Variants in MTM1 observed in about 807,000 individuals in gnomAD.
The protein encoded by MTM1 is myotubularin.
Under a neutral mutation model 52.1 loss-of-function variants are expected in MTM1, and 9 were observed. The observed-to-expected ratio is 0.17, with a 90% CI of 0.10 to 0.30. The LOEUF is 0.30. MTM1 is among the 10% of genes least tolerant of loss of function. The pLI is 1.00. For missense variants in MTM1, 277 were observed against 470.7 expected, an observed-to-expected ratio of 0.59 and a Z score of 3.81; for synonymous variants, 136 against 163.8, an observed-to-expected ratio of 0.83 and a Z score of 1.29.
rs782575228 is a variant in MTM1 at position 150,625,472 on chromosome X, A to C, written c.444+6333A>C. Among the ~76,000 whole-genome samples, 198 of 112,063 alleles carry C rather than the reference A, an allele frequency of 1.8e-3. 4 individuals are homozygous for C. Among genetic ancestry groups the C allele is most frequent in the Non-Finnish European group, 4.5e-4 (24 of 53,244 alleles). ...ATGCTATATATAGATTAGTATTCTT[A>C]TTAACAAACCATTGGTTGTACCTTG... is the stretch of plus-strand genomic sequence containing the variant. On this transcript the variant is annotated intron_variant, in intron 6 of 14. Coordinates refer to ENST00000370396, the MANE Select transcript of MTM1 (RefSeq NM_000252.3).
At chrX:150,564,382 T>C (rs1245753735), upstream of MTM1, among the ~76,000 whole-genome samples, 1 of 110,865 alleles carries the variant, frequency 9.0e-6, no homozygotes, top group Admixed American at 9.6e-5. Flanking sequence ...TACTATTTTT[T>C]ATTATTATTA....
intron 4 of MTM1, among the ~76,000 whole-genome samples, chrX:150,603,437 A>G (rs2039100415): frequency 8.9e-6 from 1 of 111,968 alleles, no homozygotes; most frequent in Non-Finnish European, 1.9e-5. Flanking sequence ...GACTGAAGTC[A>G]GGAAGCCCAA....
chrX:150,660,603 AATTAC>A (rs2075917170), intron 13 of MTM1, 119 bp downstream of exon 13: 1 of 509,729 alleles, frequency 2.0e-6, no homozygotes, highest in African/African-American at 2.3e-5. Context: ...AAAGAGTAGG[AATTAC>A]ATTAAAGGTA....
Position 150,640,468 on chromosome X carries a change from C to T in MTM1, c.529-801C>T, listed in dbSNP as rs782724106. On this transcript the variant is annotated intron_variant, in intron 7 of 14. Coordinates refer to ENST00000370396, the MANE Select transcript of MTM1 (RefSeq NM_000252.3). ...CCTAAAGAAAAGGTACAATGTCTGT[C>T]CCCAAAGCAAACACCCACATAGCTC... Among the ~76,000 whole-genome samples, 146 of 111,661 alleles carry T rather than the reference C, an allele frequency of 1.3e-3. 1 individual carries two copies. Among genetic ancestry groups the T allele is most frequent in the African/African-American group, 4.7e-3 (143 of 30,694 alleles).
chrX:150,658,562 TTC>T (rs1328786441), intron 11 of MTM1, among the ~76,000 whole-genome samples: 76 of 110,313 alleles, frequency 6.9e-4, no homozygotes, highest in African/African-American at 2.2e-3. Context: ...ATATATAAAT[TTC>T]TCTCTCAATT....
At chrX:150,627,390 G>C (rs918661227) in intron 6 of MTM1, among the ~76,000 whole-genome samples, 1 of 111,820 alleles carries the variant, frequency 8.9e-6, no homozygotes, top group Non-Finnish European at 1.9e-5. Flanking sequence ...TCTCTCCTGA[G>C]ATGTAAGCTG....
chrX:150,649,293 G>A (rs191714344), intron 9 of MTM1, among the ~76,000 whole-genome samples: 191 of 112,657 alleles, frequency 1.7e-3, no homozygotes, highest in South Asian at 5.1e-3. Context: ...CACGTCCTAC[G>A]TGAGTGCTGT....
intron 1 of MTM1, among the ~76,000 whole-genome samples, chrX:150,588,666 C>G (rs781791816): frequency 8.9e-6 from 1 of 111,766 alleles, no homozygotes; most frequent in African/African-American, 3.3e-5. Flanking sequence ...TGTACTGGGA[C>G]GGCTGTACCT....
chrX:150,563,894 CA>C (rs1412251245), upstream of MTM1, among the ~76,000 whole-genome samples: 1 of 110,996 alleles, frequency 9.0e-6, no homozygotes, highest in Non-Finnish European at 1.9e-5. Context: ...TCAAAACAAA[CA>C]AACAAAAAAA....
intron 8 of MTM1, 86 bp from the exon 9 acceptor site, chrX:150,645,597 C>T (rs2039916692): frequency 4.6e-6 from 4 of 873,659 alleles, no homozygotes; most frequent in Non-Finnish European, 5.1e-6. Context: ...TCTTGATAAC[C>T]GTCAGTGCTT....
Position 150,614,542 on chromosome X carries a change from A to G in MTM1, c.232-47A>G, listed in dbSNP as rs782404060. 4.0e-6 allele frequency: 3 copies of G among 758,731 alleles called. No homozygotes were observed. The South Asian group carries it at 6.5e-5, about 17-fold the overall frequency. The allele number at this position is 758,731 out of a possible 1,213,427, so 62.5% of individuals were successfully genotyped here. A position where few individuals can be genotyped will look rare whatever the true frequency, so the allele number is the denominator to read the frequency against. The stretch of plus-strand genomic sequence containing the variant: ...GTTTTTATATGTTTTTTGATGTTTT[A>G]ATTATACTGACAGAAATACTGACTA... On this transcript the variant is annotated intron_variant, in intron 4 of 14. Transcript: ENST00000370396.
upstream of MTM1, among the ~76,000 whole-genome samples, chrX:150,566,941 A>C (rs985405613): frequency 6.0e-4 from 67 of 111,832 alleles, no homozygotes; most frequent in African/African-American, 2.1e-3. Context: ...TCAGCACAAA[A>C]GTGAATGAGA....
At chrX:150,654,941 G>A (rs1243186667) in intron 10 of MTM1, among the ~76,000 whole-genome samples, 2 of 111,901 alleles carry the variant, frequency 1.8e-5, no homozygotes, top group African/African-American at 6.5e-5. Flanking sequence ...TTGTTGATAC[G>A]CATGTGAAAA....
chrX:150,657,976 C>T lies in MTM1; in HGVS notation c.1209C>T (p.Phe403=), dbSNP rs782407568. 3.1e-5 allele frequency: 37 copies of T among 1,208,820 alleles called. 1 individual carries two copies. The highest frequency in any genetic ancestry group is 3.1e-5 in the Non-Finnish European group (28 of 894,502). Residue 403 remains phenylalanine, a synonymous_variant, in exon 11 of 15, where the codon TTC becomes TTT. Transcript: ENST00000370396. The part of the protein sequence containing the change: ...LDSFYRSIEG[F]EILVQKEWIS... ...GCTTCTATAGGAGCATTGAAGGGTT[C>T]GAAATACTGGTACAAAAAGAATGGA...
At position 150,651,483 on chromosome X, in the gene MTM1, TTG is replaced by T. The variant is rs1425760824; in HGVS notation, c.1053+1584_1053+1585del. Among the ~76,000 whole-genome samples the T allele has an allele frequency of 6.4e-3, 507 of 79,286 alleles. 2 individuals are homozygous for T. Among genetic ancestry groups the T allele is most frequent in the African/African-American group, 0.018 (476 of 25,931 alleles). The allele number at this position is 79,286 out of a possible 115,157, so 68.9% of individuals were successfully genotyped here. ...ATTATATTTAGTTGTCACAATTAGG[TTG>T]TTTTTTTTTTTTTTTTTTTTAACAA... is the stretch of plus-strand genomic sequence containing the variant. On this transcript the variant is annotated intron_variant, in intron 10 of 14. Coordinates refer to ENST00000370396, the MANE Select transcript of MTM1 (RefSeq NM_000252.3).
chrX:150,665,107 T>A (rs1557414871), intron 14 of MTM1, among the ~76,000 whole-genome samples: 1 of 111,313 alleles, frequency 9.0e-6, no homozygotes, highest in East Asian at 2.8e-4. Flanking sequence ...CTGGTAGGGG[T>A]TTTTACTTCG....
At chrX:150,630,053 A>T (rs1328600954) in intron 6 of MTM1, among the ~76,000 whole-genome samples, 1 of 112,010 alleles carries the variant, frequency 8.9e-6, no homozygotes, top group Non-Finnish European at 1.9e-5. Flanking sequence ...AACGTAACAC[A>T]GGTTTGAGGG....
In MTM1 at chrX:150,661,855, C is replaced by T. The variant is rs193102061; in HGVS notation, c.1467+1371C>T. ...TTATAAGTACTAAAGACCTAATGTG[C>T]AGTATGGTAATTATAGTTAATAATA... On this transcript the variant is annotated intron_variant, in intron 13 of 14. Transcript: ENST00000370396. Among the ~76,000 whole-genome samples the T allele has an allele frequency of 3.2e-3, 357 of 111,023 alleles. 2 individuals are homozygous for T. The highest frequency in any genetic ancestry group is 0.011 in the African/African-American group (332 of 30,534).
intron 3 of MTM1, chrX:150,596,986 TA>T (rs1433637966): frequency 2.3e-5 from 3 of 128,665 alleles, no homozygotes; most frequent in African/African-American, 3.2e-5. Flanking sequence ...CATATTGCTT[TA>T]AAATATCTTT....
Sources: allele counts gnomAD v4.1 joint callset (sites outside exome capture counted in the v4.1 genomes callset), GRCh38; gene constraint gnomAD v4.1.1; transcripts MANE v1.5; gene names NCBI Gene and HGNC (gene_info 2026-07-23, HGNC 2026-07-21).